The following KHSRP variants were observed in gnomAD, a reference collection of about 807,000 sequenced individuals.
The protein encoded by KHSRP is KH-type splicing regulatory protein.
KHSRP carries 13 observed loss-of-function variants against 94.9 expected under a neutral mutation model. The observed-to-expected ratio is 0.14, with a 90% CI of 0.09 to 0.22. The LOEUF (loss-of-function observed/expected upper bound fraction) is 0.22. KHSRP is among the 10% of genes least tolerant of loss of function. KHSRP has a pLI of 1.00. For missense variants in KHSRP, 710 were observed against 1,010.0 expected (o/e 0.70, Z 4.03); for synonymous variants, 495 against 401.4 (o/e 1.23, Z -2.79).
chr19:6,418,191 A>C lies in KHSRP; in HGVS notation c.880-112T>G. ...GGACCCACGAACCCTGGGTGAGCCC[A>C]GCACAGCACCCTACTGAGCTCTCTA... On this transcript the variant is annotated intron_variant, in intron 9 of 18. Coordinates refer to ENST00000600480, the MANE Select transcript of KHSRP (RefSeq NM_001366299.1). The surrounding 1 kb of genome is among the most constrained non-coding windows in gnomAD (Gnocchi z 4.3). The C allele has an allele frequency of 1.2e-6, 1 of 863,664 alleles. No individual in the cohort carries two copies. The highest frequency in any genetic ancestry group is 1.9e-6 in the Non-Finnish European group (1 of 526,472). 53.5% of individuals were successfully genotyped at this position (863,664 alleles called of 1,614,324 possible). A position where few individuals can be genotyped will look rare whatever the true frequency, so the allele number is the denominator to read the frequency against.
In KHSRP at chr19:6,415,456, G is replaced by C; in HGVS notation, c.1890C>G (p.Gly630=). 1 of 1,559,298 alleles carries C rather than the reference G, an allele frequency of 6.4e-7. No individual in the cohort carries two copies. The highest frequency in any genetic ancestry group is 8.7e-7 in the Non-Finnish European group (1 of 1,151,598). The stretch of plus-strand genomic sequence containing the variant: ...GTGCTCCGGGCTGCTGGGGCTGCTG[G>C]CCTGTGCGGGCGCCGAGACAGGTCA... The part of the protein sequence containing the change: ...KAWEEYYKKI[G]QQPQQPGAPP... The change falls in exon 18 of 19, where the codon GGC becomes GGG. Residue 630 remains glycine, a splice_region_variant and synonymous_variant. Coordinates refer to ENST00000600480, the MANE Select transcript of KHSRP (RefSeq NM_001366299.1).
Position 6,414,088 on chromosome 19 carries a change from TGAA to T in KHSRP, c.*933_*935del, listed in dbSNP as rs774500044. The T allele has an allele frequency of 1.2e-5, 20 of 1,605,564 alleles. No homozygotes were observed. The highest frequency in any genetic ancestry group is 3.4e-5 in the Admixed American group (2 of 58,876). On this transcript the variant is annotated 3_prime_UTR_variant, in exon 19 of 19. Coordinates refer to ENST00000600480, the MANE Select transcript of KHSRP (RefSeq NM_001366299.1). ...GGAAAAAAAAAAGATTTTTCACAGATGAAGAAGTTCACATTCATTCGATTCATT... is the reference window on the plus strand; with the variant it reads ...GGAAAAAAAAAAGATTTTTCACAGATGAAGTTCACATTCATTCGATTCATT...
rs1253195735 is a variant in KHSRP, at chr19:6,418,765, C to T, written c.717G>A (p.Met239Ile). Residue 239 changes from methionine to isoleucine, a missense_variant, in exon 8 of 19, where the codon ATG becomes ATA. Physicochemically the swap from Met to Ile is conservative, Grantham distance 10. Around this residue, in one of 5 missense-constraint regions of KHSRP, gnomAD observed 288 missense variants for 501.1 expected, o/e 0.57. Transcript: ENST00000600480. This position sits in a 1 kb window ranked among gnomAD's most constrained non-coding sequence, Gnocchi z 4.3. ...CCAGGCCGGCCTTGCCCGCGGGGAT[C>T]ATGATCTCCTGCACGGTGCCGTTCT... is the stretch of plus-strand genomic sequence containing the variant. ...GGQNGTVQEI[M>I]IPAGKAGLVI... is the part of the protein sequence containing the mutation. 2 of 1,612,722 alleles carry T rather than the reference C, an allele frequency of 1.2e-6. No homozygotes were observed. The highest frequency in any genetic ancestry group is 2.2e-5 in the South Asian group (2 of 91,022).
chr19:6,413,136 A>C lies in KHSRP; in HGVS notation c.*1888T>G, dbSNP rs1399272284. Among the ~76,000 whole-genome samples, 2 of 132,116 alleles carry C rather than the reference A, an allele frequency of 1.5e-5. No individual in the cohort carries two copies. The highest frequency in any genetic ancestry group is 2.6e-4 in the East Asian group (1 of 3,820). 86.7% of individuals were successfully genotyped at this position (132,116 alleles called of 152,430 possible). On this transcript the variant is annotated 3_prime_UTR_variant, in exon 19 of 19. Transcript: ENST00000600480. ...AACAAAAAGCACTTTATTTAACAAA[A>C]AAAAAAAAGGGGGGGGGGCACGGTT...
Position 6,414,057 on chromosome 19 carries a change from C to T in KHSRP, c.*967G>A, listed in dbSNP as rs1599233649. On this transcript the variant is annotated 3_prime_UTR_variant, in exon 19 of 19. Coordinates refer to ENST00000600480, the MANE Select transcript of KHSRP (RefSeq NM_001366299.1). Reference sequence around the variant, plus strand: ...ACAAAACAGAAGCCCCCAAACAGAACAAAATGGAAAAAAAAAAGATTTTTC... The same window carrying T: ...ACAAAACAGAAGCCCCCAAACAGAATAAAATGGAAAAAAAAAAGATTTTTC... The T allele has an allele frequency of 8.7e-6, 13 of 1,494,894 alleles. No homozygotes were observed. The highest frequency in any genetic ancestry group is 2.4e-5 in the South Asian group (2 of 84,812). 92.6% of individuals were successfully genotyped at this position (1,494,894 alleles called of 1,614,324 possible).
chr19:6,415,262 C>G lies in KHSRP; in HGVS notation c.2006G>C (p.Gly669Ala). The G allele has an allele frequency of 1.9e-6, 3 of 1,612,832 alleles. No homozygotes were observed. The highest frequency in any genetic ancestry group is 1.7e-6 in the Non-Finnish European group (2 of 1,179,828). ...GGCGGCACTGTAGTCTGGCTGGGAGCCTGGGGGAGCTCCTGGACCCCCTCC... is the reference window on the plus strand; with the variant it reads ...GGCGGCACTGTAGTCTGGCTGGGAGGCTGGGGGAGCTCCTGGACCCCCTCC... ...ATGGGPGAPP[G>A]SQPDYSAAWA... Residue 669 changes from glycine to alanine, a missense_variant, in exon 19 of 19, where the codon GGC becomes GCC. Physicochemically the swap from Gly to Ala is moderately conservative, Grantham distance 60 (BLOSUM62 0). Coordinates refer to ENST00000600480, the MANE Select transcript of KHSRP (RefSeq NM_001366299.1).
Position 6,414,084 on chromosome 19 carries a change from C to G in KHSRP, c.*940G>C. 1 of 1,573,018 alleles carries G rather than the reference C, an allele frequency of 6.4e-7. No individual in the cohort carries two copies. The highest frequency in any genetic ancestry group is 8.6e-7 in the Non-Finnish European group (1 of 1,157,462). On this transcript the variant is annotated 3_prime_UTR_variant, in exon 19 of 19. Transcript: ENST00000600480. ...AAATGGAAAAAAAAAAGATTTTTCA[C>G]AGATGAAGAAGTTCACATTCATTCG... is the stretch of plus-strand genomic sequence containing the variant.
intron 1 of KHSRP, among the ~76,000 whole-genome samples, chr19:6,423,172 G>A (rs2092205585): frequency 6.6e-6 from 1 of 152,148 alleles, no homozygotes; most frequent in Non-Finnish European, 1.5e-5. Context: ...CCAGCTACTC[G>A]GGAGGCTGAG....
At position 6,414,865 on chromosome 19, in the gene KHSRP, C is replaced by T. The variant is rs572914955; in HGVS notation, c.*159G>A. On this transcript the variant is annotated 3_prime_UTR_variant, in exon 19 of 19. Transcript: ENST00000600480. ...CCCAGCAGTTCAGAAGTCCCGCCTG[C>T]GAGTCTCAGCGCTCCCCAGCATCAC... The T allele has an allele frequency of 2.0e-4, 264 of 1,308,768 alleles. No homozygotes were observed. In the African/African-American group the frequency reaches 3.3e-3, roughly 17 times the overall value. The allele number at this position is 1,308,768 out of a possible 1,614,324, so 81.1% of individuals were successfully genotyped here. A position where few individuals can be genotyped will look rare whatever the true frequency, so the allele number is the denominator to read the frequency against.
At position 6,424,682 on chromosome 19, in the gene KHSRP, C is replaced by T; in HGVS notation, c.20G>A (p.Gly7Glu). The T allele has an allele frequency of 9.7e-7, 1 of 1,030,172 alleles. No homozygotes were observed. Among genetic ancestry groups the T allele is most frequent in the Non-Finnish European group, 1.2e-6 (1 of 859,566 alleles). 63.8% of individuals were successfully genotyped at this position (1,030,172 alleles called of 1,614,324 possible). A position where few individuals can be genotyped will look rare whatever the true frequency, so the allele number is the denominator to read the frequency against. ...CGGCGGCGGCCCGGGCGGGGGTCCT[C>T]CCGTGCTGTAGTCCGACATGGCGCG... MSDYST[G>E]GPPPGPPPPA... The change falls in exon 1 of 19, where the codon GGA becomes GAA. Residue 7 changes from glycine (G) to glutamate (E), a missense_variant. This residue lies in a region of KHSRP where 92 missense variants were observed against 80.8 expected (regional missense o/e 1.14). Transcript: ENST00000600480.
Position 6,416,367 on chromosome 19 carries a change from C to A in KHSRP, c.1529G>T (p.Gly510Val), listed in dbSNP as rs1331804304. ...GAAGGGCCCCATTGGGCCAGCAGGGCCTGGGCCACCTGGGCCTGGTCCAAC... is the reference window on the plus strand; with the variant it reads ...GAAGGGCCCCATTGGGCCAGCAGGGACTGGGCCACCTGGGCCTGGTCCAAC... Reference protein sequence around the residue: ...CPVGPGPGGPGPAGPMGPFNP... With the variant: ...CPVGPGPGGPVPAGPMGPFNP... The change falls in exon 15 of 19, where the codon GGC (glycine) becomes GTC (valine). Residue 510 changes from glycine (G) to valine (V), a missense_variant. Gly to Val is a moderately radical substitution (Grantham distance 109). Coordinates refer to ENST00000600480, the MANE Select transcript of KHSRP (RefSeq NM_001366299.1). 1 of 1,611,754 alleles carries A rather than the reference C, an allele frequency of 6.2e-7. No homozygotes were observed. The highest frequency in any genetic ancestry group is 1.3e-5 in the African/African-American group (1 of 74,834).
At chr19:6,420,934 C>G in intron 4 of KHSRP, 1 of 395,678 alleles carries the variant, frequency 2.5e-6, no homozygotes, top group South Asian at 3.3e-5. Flanking sequence ...TGGGCACTTG[C>G]AGATGTGTGA....
At chr19:6,423,794 G>C (rs1472390488) in intron 1 of KHSRP, among the ~76,000 whole-genome samples, 1 of 152,224 alleles carries the variant, frequency 6.6e-6, no homozygotes, top group Non-Finnish European at 1.5e-5. Context: ...GGAGAGGTCA[G>C]TCCTAGCAGC....
intron 11 of KHSRP, among the ~76,000 whole-genome samples, 200 bp downstream of exon 11, chr19:6,417,539 C>T (rs533281198): frequency 3.9e-5 from 6 of 152,274 alleles, no homozygotes; most frequent in East Asian, 1.9e-4. Flanking sequence ...TAGGAACACA[C>T]GTTCCCCCTG....
Position 6,424,640 on chromosome 19 carries a change from C to T in KHSRP, c.62G>A (p.Gly21Glu), listed in dbSNP as rs1484991769. ...GCCTCCCCCGGCGCCTCCGGCTCCC[C>T]CGCCCCCGCCGGCGGGCGGCGGCGG... ...PGPPPPAGGGGGAGGAGGGPP... is the reference protein window; with the variant it reads ...PGPPPPAGGGEGAGGAGGGPP... Residue 21 changes from glycine to glutamate, a missense_variant, in exon 1 of 19, where the codon GGG becomes GAG. This residue lies in a region of KHSRP where 92 missense variants were observed against 80.8 expected (regional missense o/e 1.14). Transcript: ENST00000600480. The T allele has an allele frequency of 2.0e-6, 2 of 1,001,508 alleles. No homozygotes were observed. The highest frequency in any genetic ancestry group is 1.8e-5 in the African/African-American group (1 of 56,478). The allele number at this position is 1,001,508 out of a possible 1,614,324, so 62.0% of individuals were successfully genotyped here.
At position 6,418,056 on chromosome 19, in the gene KHSRP, G is replaced by A. The variant is rs770311115; in HGVS notation, c.903C>T (p.Asp301=). 2.9e-5 allele frequency: 47 copies of A among 1,613,934 alleles called. No individual in the cohort carries two copies. Among genetic ancestry groups the A allele is most frequent in the Non-Finnish European group, 3.8e-5 (45 of 1,179,868 alleles). The change falls in exon 10 of 19, where the codon GAC becomes GAT. Residue 301 remains aspartate (D), a synonymous_variant. Coordinates refer to ENST00000600480, the MANE Select transcript of KHSRP (RefSeq NM_001366299.1). This position sits in a 1 kb window ranked among gnomAD's most constrained non-coding sequence, Gnocchi z 4.3. ...KVQQACEMVM[D]ILRERDQGGF... ...CGCCTTGGTCACGTTCCCGGAGGAT[G>A]TCCATCACCATCTCACAGGCTTGCT...
Position 6,413,965 on chromosome 19 carries a change from C to A in KHSRP, c.*1059G>T. The A allele has an allele frequency of 2.9e-4, 174 of 595,416 alleles. No homozygotes were observed. Among genetic ancestry groups the A allele is most frequent in the Middle Eastern group, 5.3e-4 (1 of 1,888 alleles). The allele number at this position is 595,416 out of a possible 1,614,324, so 36.9% of individuals were successfully genotyped here. On this transcript the variant is annotated 3_prime_UTR_variant, in exon 19 of 19. Transcript: ENST00000600480. The stretch of plus-strand genomic sequence containing the variant: ...GTGAGGGCCCGGCATGCCCCCAAGT[C>A]CCCCCCACCCTGCTTGCCGCGAGGG...
Position 6,418,963 on chromosome 19 carries a change from C to T in KHSRP, c.606-87G>A, listed in dbSNP as rs747387410. 3.9e-4 allele frequency: 535 copies of T among 1,363,840 alleles called. No homozygotes were observed. Among genetic ancestry groups the T allele is most frequent in the Non-Finnish European group, 5.0e-4 (509 of 1,028,034 alleles). 84.5% of individuals were successfully genotyped at this position (1,363,840 alleles called of 1,614,324 possible). A position where few individuals can be genotyped will look rare whatever the true frequency, so the allele number is the denominator to read the frequency against. ...TGGCCCACCCAGCTCAAAGGGAAGGCGACCCCAGAGTGTGCAAGGATGACA... is the reference window on the plus strand; with the variant it reads ...TGGCCCACCCAGCTCAAAGGGAAGGTGACCCCAGAGTGTGCAAGGATGACA... On this transcript the variant is annotated intron_variant, in intron 7 of 18. Transcript: ENST00000600480. This position sits in a 1 kb window ranked among gnomAD's most constrained non-coding sequence, Gnocchi z 4.3.
Position 6,424,531 on chromosome 19 carries a change from G to C in KHSRP, c.171C>G (p.Gly57=). The C allele has an allele frequency of 1.0e-6, 1 of 979,628 alleles. No homozygotes were observed. The highest frequency in any genetic ancestry group is 4.6e-5 in the South Asian group (1 of 21,862). The allele number at this position is 979,628 out of a possible 1,614,324, so 60.7% of individuals were successfully genotyped here. Residue 57 remains glycine (G), a synonymous_variant, in exon 1 of 19, where the codon GGC becomes GGG. Transcript: ENST00000600480. The part of the protein sequence containing the change: ...GGGPGGGSAG[G]PSQPPGGGGP... The stretch of plus-strand genomic sequence containing the variant: ...CGCCTCCGCCGGGTGGCTGAGAGGG[G>C]CCCCCGGCCGACCCCCCGCCCGGGC...
Sources: allele counts gnomAD v4.1 joint callset (sites outside exome capture counted in the v4.1 genomes callset), GRCh38; gene constraint gnomAD v4.1.1; regional missense constraint gnomAD v4.1.1; non-coding constraint Gnocchi (gnomAD v3.1); transcripts MANE v1.5; gene names NCBI Gene and HGNC (gene_info 2026-07-23, HGNC 2026-07-21).